Variants in FOXN3 observed in about 807,000 individuals in gnomAD.
FOXN3 encodes forkhead box N3.
A neutral mutation model predicts 38.4 loss-of-function variants in FOXN3; 7 were observed. That is an observed-to-expected ratio of 0.18 (90% CI 0.10 to 0.34). The LOEUF (loss-of-function observed/expected upper bound fraction) is 0.34. FOXN3 is among the 10% of genes least tolerant of loss of function. FOXN3 has a pLI of 1.00. For missense variants in FOXN3, 456 were observed against 613.4 expected, an observed-to-expected ratio of 0.74 and a Z score of 2.71; for synonymous variants, 230 against 242.2, an observed-to-expected ratio of 0.95 and a Z score of 0.47.
At chr14:89,422,393 C>G (rs903906374) in intron 1 of FOXN3, among the ~76,000 whole-genome samples, 19 of 152,126 alleles carry the variant, frequency 1.2e-4, no homozygotes, top group African/African-American at 4.6e-4. Flanking sequence ...CACTTCAAGA[C>G]CAAGTGAATC....
chr14:89,551,793 C>T (rs1221049734), intron 1 of FOXN3, among the ~76,000 whole-genome samples: 1 of 152,140 alleles, frequency 6.6e-6, no homozygotes, highest in Non-Finnish European at 1.5e-5. Flanking sequence ...TCTTTCCTTT[C>T]TGCTAGATAC....
intron 1 of FOXN3, among the ~76,000 whole-genome samples, chr14:89,617,621 C>T (rs1343224786): frequency 6.6e-6 from 1 of 152,186 alleles, no homozygotes; most frequent in Admixed American, 6.5e-5. Context: ...TTGCATTCTA[C>T]AACTTATGAG....
intron 3 of FOXN3, among the ~76,000 whole-genome samples, chr14:89,318,785 C>T (rs1007064780): frequency 2.0e-5 from 3 of 152,212 alleles, no homozygotes; most frequent in Non-Finnish European, 2.9e-5. Flanking sequence ...CACTCAAATC[C>T]GGGTTCTCCC....
chr14:89,527,592 A>T (rs1015957861), intron 1 of FOXN3, among the ~76,000 whole-genome samples: 1 of 152,204 alleles, frequency 6.6e-6, no homozygotes, highest in Admixed American at 6.5e-5. Context: ...ACTAAAGAAG[A>T]TCTTAATGGC....
chr14:89,245,655 A>G (rs1262782583), intron 4 of FOXN3, among the ~76,000 whole-genome samples: 2 of 152,326 alleles, frequency 1.3e-5, no homozygotes, highest in East Asian at 3.9e-4. Flanking sequence ...AGCATTTGGA[A>G]AAGTGGTTGA....
intron 3 of FOXN3, among the ~76,000 whole-genome samples, chr14:89,309,500 T>C (rs1887469611): frequency 6.6e-6 from 1 of 152,138 alleles, no homozygotes; most frequent in Non-Finnish European, 1.5e-5. Flanking sequence ...GAAAAGTCTG[T>C]GCTTTAAGCA....
At chr14:89,239,796 T>C (rs1282580417) in intron 4 of FOXN3, among the ~76,000 whole-genome samples, 2 of 152,218 alleles carry the variant, frequency 1.3e-5, no homozygotes, top group Admixed American at 6.5e-5. Context: ...CTACTTTAAA[T>C]ATATGGTTCT....
At chr14:89,212,039 A>G (rs1884110925) in intron 4 of FOXN3, among the ~76,000 whole-genome samples, 1 of 152,158 alleles carries the variant, frequency 6.6e-6, no homozygotes, top group African/African-American at 2.4e-5. Flanking sequence ...CTCTCCACAC[A>G]AGCACAGAAA....
chr14:89,305,950 TA>T (rs1405309997), intron 3 of FOXN3, among the ~76,000 whole-genome samples: 1 of 152,226 alleles, frequency 6.6e-6, no homozygotes, highest in African/African-American at 2.4e-5. Context: ...TCTCTAAGAA[TA>T]AGGATGAAAA....
chr14:89,455,594 C>T (rs374096352), intron 1 of FOXN3, among the ~76,000 whole-genome samples: 1 of 152,134 alleles, frequency 6.6e-6, no homozygotes, highest in East Asian at 1.9e-4. Context: ...CTGAGTGAGC[C>T]GGCCACAGCC....
At chr14:89,243,130 A>C (rs1331215188) in intron 4 of FOXN3, among the ~76,000 whole-genome samples, 2 of 152,184 alleles carry the variant, frequency 1.3e-5, no homozygotes, top group African/African-American at 4.8e-5. Context: ...CCCTCCCAGG[A>C]GGGGGCTCCT....
rs1036694349 is a variant in FOXN3, at chr14:89,548,272, GT to G, written c.-15+70755del. Among the ~76,000 whole-genome samples, 3 of 151,948 alleles carry G rather than the reference GT, an allele frequency of 2.0e-5. No individual in the cohort carries two copies. Among genetic ancestry groups the G allele is most frequent in the Admixed American group, 6.5e-5 (1 of 15,268 alleles). ...CATATTTCCAAGATTTTCTCAGACG[GT>G]ATTTTATATCATTTCCTAATTATTC... On this transcript the variant is annotated intron_variant, in intron 1 of 6. Transcript: ENST00000345097. This position sits in a 1 kb window ranked among gnomAD's most constrained non-coding sequence, Gnocchi z 4.8.
chr14:89,254,997 C>T (rs559249851), intron 4 of FOXN3, among the ~76,000 whole-genome samples: 3 of 152,116 alleles, frequency 2.0e-5, no homozygotes, highest in African/African-American at 7.2e-5. Context: ...TTTTATTCCC[C>T]CCATGAGGAT....
In FOXN3 at chr14:89,447,990, T is replaced by C. The variant is rs138113936; in HGVS notation, c.-14-35500A>G. On this transcript the variant is annotated intron_variant, in intron 1 of 6. Coordinates refer to the FOXN3 transcript ENST00000345097. ...CAACACGCCCAGCTAATTTTTGTATTTTTAGTAGAGACGGGGTTTCACCAT... is the reference window on the plus strand; with the variant it reads ...CAACACGCCCAGCTAATTTTTGTATCTTTAGTAGAGACGGGGTTTCACCAT... Among the ~76,000 whole-genome samples, 982 of 151,962 alleles carry C rather than the reference T, an allele frequency of 6.5e-3. 10 individuals carry two copies. Among genetic ancestry groups the C allele is most frequent in the African/African-American group, 0.023 (935 of 41,430 alleles).
intron 4 of FOXN3, among the ~76,000 whole-genome samples, chr14:89,241,934 G>T (rs1033097658): frequency 6.6e-6 from 1 of 152,150 alleles, no homozygotes; most frequent in African/African-American, 2.4e-5. Context: ...TGGCTACCAC[G>T]TTTTTTCTCC....
chr14:89,558,225 A>G (rs2139874526), intron 1 of FOXN3, among the ~76,000 whole-genome samples: 1 of 152,332 alleles, frequency 6.6e-6, no homozygotes, highest in African/African-American at 2.4e-5. Context: ...CTAGCTAGTT[A>G]GCTATTTTAG....
intron 4 of FOXN3, among the ~76,000 whole-genome samples, chr14:89,240,025 ACT>A (rs1297221301): frequency 6.6e-6 from 1 of 152,152 alleles, no homozygotes; most frequent in Non-Finnish European, 1.5e-5. Context: ...TCAAAGCTCC[ACT>A]CTGTGTGGAG....
At chr14:89,225,850 T>C (rs1884620434) in intron 4 of FOXN3, among the ~76,000 whole-genome samples, 3 of 152,130 alleles carry the variant, frequency 2.0e-5, no homozygotes, top group Admixed American at 6.5e-5. Context: ...TCAGGCTCTC[T>C]GAAAGGGTTT....
Position 89,536,905 on chromosome 14 carries a change from G to T in FOXN3, c.-15+82123C>A, listed in dbSNP as rs558520720. On this transcript the variant is annotated intron_variant, in intron 1 of 6. Transcript: ENST00000345097. ...AAAATCATCAGTGGCCCCCATCACC[G>T]GGAAATTATAAAGAAGTATAAAATC... Among the ~76,000 whole-genome samples the T allele has an allele frequency of 2.6e-5, 4 of 152,200 alleles. No individual in the cohort carries two copies. The East Asian group carries it at 7.7e-4, about 29-fold the overall frequency.
Sources: allele counts gnomAD v4.1 joint callset (sites outside exome capture counted in the v4.1 genomes callset), GRCh38; gene constraint gnomAD v4.1.1; non-coding constraint Gnocchi (gnomAD v3.1); transcripts MANE v1.5; gene names NCBI Gene and HGNC (gene_info 2026-07-23, HGNC 2026-07-21).